The following GATAD2B variants were observed in gnomAD, a reference collection of about 807,000 sequenced individuals.
GATAD2B encodes the protein GATA zinc finger domain containing 2B.
Under a neutral mutation model 64.3 loss-of-function variants are expected in GATAD2B, and 8 were observed. The observed-to-expected ratio is 0.12, with a 90% CI of 0.07 to 0.22. The LOEUF is 0.22. GATAD2B is among the 10% of genes least tolerant of loss of function. The pLI is 1.00. For synonymous variants in GATAD2B, 281 were observed against 271.3 expected (o/e 1.04, Z -0.35); for missense variants, 453 against 752.0 (o/e 0.60, Z 4.65).
At chr1:153,855,225 GTTT>G (rs112614667) in intron 1 of GATAD2B, among the ~76,000 whole-genome samples, 1 of 142,222 alleles carries the variant, frequency 7.0e-6, no homozygotes, top group Admixed American at 7.0e-5. Flanking sequence ...CTTTCTTTTT[GTTT>G]TTTTTTTTTG....
At chr1:153,845,906 C>A (rs1305229533) in intron 1 of GATAD2B, among the ~76,000 whole-genome samples, 3 of 151,842 alleles carry the variant, frequency 2.0e-5, no homozygotes, top group African/African-American at 4.8e-5. Flanking sequence ...TTGTACTCCA[C>A]TGGATAATAG....
intron 6 of GATAD2B, 91 bp downstream of exon 6, chr1:153,817,281 G>T: frequency 8.2e-7 from 1 of 1,213,512 alleles, no homozygotes; most frequent in Non-Finnish European, 1.1e-6. Flanking sequence ...GTTTATCTAT[G>T]TATAAAAACT....
At chr1:153,876,237 A>AAAAAAAAAAAAAAAAAAAAG (rs1676828748) in intron 1 of GATAD2B, among the ~76,000 whole-genome samples, 1 of 131,176 alleles carries the variant, frequency 7.6e-6, no homozygotes, top group African/African-American at 3.4e-5. Context: ...CAAAAAAAAA[A>AAAAAAAAAAAAAAAAAAAAG]AAAAAAAAAA....
chr1:153,903,621 C>G (rs1295495285), intron 1 of GATAD2B, among the ~76,000 whole-genome samples: 1 of 152,162 alleles, frequency 6.6e-6, no homozygotes, highest in Non-Finnish European at 1.5e-5. Context: ...TACAGAATTT[C>G]TGTTAACAGG....
chr1:153,859,378 G>A (rs143386868), intron 1 of GATAD2B, among the ~76,000 whole-genome samples: 2 of 126,262 alleles, frequency 1.6e-5, no homozygotes, highest in Non-Finnish European at 3.4e-5. Flanking sequence ...AAAAAAAAAA[G>A]ACCATGCAAG....
intron 1 of GATAD2B, among the ~76,000 whole-genome samples, chr1:153,895,561 C>A (rs1300482334): frequency 6.6e-6 from 1 of 150,632 alleles, no homozygotes; most frequent in African/African-American, 2.4e-5. Context: ...GCCTGGGCAA[C>A]AGAGTGAGAC....
intron 1 of GATAD2B, among the ~76,000 whole-genome samples, chr1:153,908,908 T>C (rs1404864732): frequency 1.3e-5 from 2 of 152,000 alleles, no homozygotes; most frequent in Non-Finnish European, 2.9e-5. Context: ...GCAATTCTCC[T>C]GCCTCAGCCT....
chr1:153,907,949 C>T (rs986137133), intron 1 of GATAD2B, among the ~76,000 whole-genome samples: 1 of 152,118 alleles, frequency 6.6e-6, no homozygotes, highest in Non-Finnish European at 1.5e-5. Context: ...GGATTACAGG[C>T]ATGCGCCACC....
At chr1:153,878,596 CA>C (rs1676906615) in intron 1 of GATAD2B, among the ~76,000 whole-genome samples, 1 of 152,070 alleles carries the variant, frequency 6.6e-6, no homozygotes, top group Admixed American at 6.6e-5. Flanking sequence ...AGTTCCCAAT[CA>C]AATTAAGGAA....
Position 153,807,535 on chromosome 1 carries a change from G to A in GATAD2B, c.*2642C>T, listed in dbSNP as rs1040633052. The A allele has an allele frequency of 2.0e-5, 3 of 152,238 alleles. No homozygotes were observed. The highest frequency in any genetic ancestry group is 7.2e-5 in the African/African-American group (3 of 41,414). 9.4% of individuals were successfully genotyped at this position (152,238 alleles called of 1,614,324 possible). On this transcript the variant is annotated 3_prime_UTR_variant, in exon 11 of 11. Coordinates refer to ENST00000368655, the MANE Select transcript of GATAD2B (RefSeq NM_020699.4). The stretch of plus-strand genomic sequence containing the variant: ...CAGCGGTTGAACAAAGGGTCACCGA[G>A]CTATACTAGTCAAGAAGCAGCTTCT...
intron 10 of GATAD2B, among the ~76,000 whole-genome samples, chr1:153,811,207 C>CT (rs1452933871): frequency 1.3e-5 from 2 of 152,160 alleles, no homozygotes; most frequent in African/African-American, 4.8e-5. Context: ...TGCACAGCAA[C>CT]TTTATTTCAA....
chr1:153,860,370 T>C (rs376344341), intron 1 of GATAD2B, among the ~76,000 whole-genome samples: 1 of 152,198 alleles, frequency 6.6e-6, no homozygotes, highest in African/African-American at 2.4e-5. Context: ...GGCCTCACTC[T>C]GTCACCTAGG....
intron 1 of GATAD2B, among the ~76,000 whole-genome samples, chr1:153,898,064 G>A (rs959288419): frequency 1.3e-5 from 2 of 150,056 alleles, no homozygotes; most frequent in Non-Finnish European, 3.0e-5. Context: ...AGCACTCTGG[G>A]AGGCTGAGGC....
At chr1:153,811,676 G>A in intron 10 of GATAD2B, 55 bp downstream of exon 10, 2 of 1,047,874 alleles carry the variant, frequency 1.9e-6, no homozygotes, top group Non-Finnish European at 3.0e-6. Flanking sequence ...CTACAGAACT[G>A]TATACTAACT....
At chr1:153,902,647 G>A (rs1677815432) in intron 1 of GATAD2B, among the ~76,000 whole-genome samples, 1 of 151,846 alleles carries the variant, frequency 6.6e-6, no homozygotes, top group African/African-American at 2.4e-5. Flanking sequence ...TTGTAAATGG[G>A]GTCTCACTTT....
At position 153,815,037 on chromosome 1, in the gene GATAD2B, A is replaced by G. The variant is rs558833785; in HGVS notation, c.1216+1236T>C. ...CAGAGGTAGTCAGCCAGCTAAGATC[A>G]TGCCACTGTACTCCAGCCTGGGTGA... is the stretch of plus-strand genomic sequence containing the variant. On this transcript the variant is annotated intron_variant, in intron 7 of 10. Coordinates refer to ENST00000368655, the MANE Select transcript of GATAD2B (RefSeq NM_020699.4). 3.0e-5 allele frequency among the ~76,000 whole-genome samples: 4 copies of G among 133,264 alleles called. 1 individual carries two copies. Among genetic ancestry groups the G allele is most frequent in the Non-Finnish European group, 6.2e-5 (4 of 64,258 alleles). The allele number at this position is 133,264 out of a possible 152,430, so 87.4% of individuals were successfully genotyped here. A position where few individuals can be genotyped will look rare whatever the true frequency, so the allele number is the denominator to read the frequency against.
chr1:153,830,704 T>C (rs1284535924), intron 1 of GATAD2B, among the ~76,000 whole-genome samples: 1 of 151,434 alleles, frequency 6.6e-6, no homozygotes, highest in African/African-American at 2.4e-5. Context: ...CTCGATCTCC[T>C]GACCTCGTGA....
chr1:153,832,967 G>C (rs1215353453), intron 1 of GATAD2B, among the ~76,000 whole-genome samples: 1 of 152,182 alleles, frequency 6.6e-6, no homozygotes, highest in African/African-American at 2.4e-5. Flanking sequence ...TGACTCTCTT[G>C]TTAGAGGCTA....
At chr1:153,863,313 C>A (rs553190235) in intron 1 of GATAD2B, among the ~76,000 whole-genome samples, 1 of 151,936 alleles carries the variant, frequency 6.6e-6, no homozygotes, top group Admixed American at 6.6e-5. Context: ...TGAACTGTCT[C>A]TACTAAAAAT....
Sources: gnomAD v4.1 joint callset for allele counts (sites outside exome capture counted in the v4.1 genomes callset) on GRCh38, gnomAD v4.1.1 for gene constraint, MANE v1.5 for transcripts, NCBI Gene and HGNC (gene_info 2026-07-23, HGNC 2026-07-21) for gene names.